The following FGL1 variants were observed in gnomAD, a reference collection of about 807,000 sequenced individuals.
FGL1 encodes fibrinogen-like protein 1.
In FGL1, 59 loss-of-function variants were observed where a neutral mutation model predicts 43.7. That is an observed-to-expected ratio of 1.35 (90% CI 1.10 to 1.68). FGL1 has a LOEUF of 1.68. Ranked by LOEUF, FGL1 falls within the 40% of genes most tolerant of loss-of-function variation. The pLI is 0.00. For synonymous variants in FGL1, 192 were observed against 126.5 expected (o/e 1.52, Z -3.48); for missense variants, 596 against 373.0 (o/e 1.60, Z -4.92).
intron 3 of FGL1, among the ~76,000 whole-genome samples, chr8:17,879,478 G>A (rs2053503077): frequency 6.6e-6 from 1 of 152,088 alleles, no homozygotes; most frequent in South Asian, 2.1e-4. Flanking sequence ...ATTGGCTCAT[G>A]GGGGTGGAGT....
At chr8:17,874,609 TC>T in intron 3 of FGL1, 88 bp from the exon 4 acceptor site, 2 of 974,422 alleles carry the variant, frequency 2.1e-6, no homozygotes, top group Non-Finnish European at 1.5e-6. Flanking sequence ...CTACTCAGTA[TC>T]ACTGGAGACA....
At chr8:17,882,847 A>C (rs1245933488) in intron 2 of FGL1, among the ~76,000 whole-genome samples, 1 of 117,294 alleles carries the variant, frequency 8.5e-6, no homozygotes, top group Non-Finnish European at 1.6e-5. Flanking sequence ...AATAATATAT[A>C]ATATATATCA....
At position 17,881,349 on chromosome 8, in the gene FGL1, C is replaced by T. The variant is rs1474073075; in HGVS notation, c.244+650G>A. 2.0e-5 allele frequency among the ~76,000 whole-genome samples: 3 copies of T among 151,756 alleles called. No homozygotes were observed. The East Asian group carries it at 6.0e-4, about 30-fold the overall frequency. ...ATGGGGTTTCACCATATTGGCCAGG[C>T]TGGTCTAGATCTCCTGACCTTGTAA... On this transcript the variant is annotated intron_variant, in intron 3 of 7. Transcript: ENST00000427924.
At chr8:17,892,799 C>G (rs1037915622) in intron 1 of FGL1, among the ~76,000 whole-genome samples, 1 of 152,106 alleles carries the variant, frequency 6.6e-6, no homozygotes, top group African/African-American at 2.4e-5. Flanking sequence ...ATCTTCTAGA[C>G]TTTGCTTTAA....
At chr8:17,880,437 C>G (rs552643297) in intron 3 of FGL1, among the ~76,000 whole-genome samples, 1 of 152,166 alleles carries the variant, frequency 6.6e-6, no homozygotes, top group African/African-American at 2.4e-5. Flanking sequence ...TGTTTCTATT[C>G]CCATAAGATT....
At chr8:17,874,160 G>C (rs538079958) in intron 4 of FGL1, 44 bp from the exon 5 acceptor site, 2 of 1,533,338 alleles carry the variant, frequency 1.3e-6, no homozygotes, top group African/African-American at 2.7e-5. Flanking sequence ...AACTCCATTT[G>C]TGGTACCAAA....
At chr8:17,885,826 G>T in intron 1 of FGL1, 1 of 421,780 alleles carries the variant, frequency 2.4e-6, no homozygotes, top group Non-Finnish European at 4.2e-6. Flanking sequence ...CTAATGTGCT[G>T]TTTGTGTTAT....
chr8:17,871,738 C>G (rs2053365072), intron 5 of FGL1, among the ~76,000 whole-genome samples: 1 of 152,104 alleles, frequency 6.6e-6, no homozygotes, highest in East Asian at 1.9e-4. Flanking sequence ...GACAAAAACA[C>G]TGGCTATTGT....
At chr8:17,883,694 T>C (rs1235142136) in intron 2 of FGL1, among the ~76,000 whole-genome samples, 1 of 144,876 alleles carries the variant, frequency 6.9e-6, no homozygotes, top group Non-Finnish European at 1.5e-5. Flanking sequence ...ATATATTTTT[T>C]ATATATATAT....
rs1186824889 is a variant in FGL1 at position 17,874,400 on chromosome 8, T to C, written c.366A>G (p.Val122=). 2 of 1,614,132 alleles carry C rather than the reference T, an allele frequency of 1.2e-6. No homozygotes were observed. The highest frequency in any genetic ancestry group is 8.5e-7 in the Non-Finnish European group (1 of 1,179,992). The change falls in exon 4 of 8, where the codon GTA becomes GTG. Residue 122 remains valine (V), a synonymous_variant. Coordinates refer to ENST00000427924, the MANE Select transcript of FGL1 (RefSeq NM_004467.4). ...CACTGCCATCAGATCGTCTCTGAAT[T>C]ACAGTCCATCCTCCTCCATCGGACA... The part of the protein sequence containing the change: ...CDMSDGGGWT[V]IQRRSDGSEN...
At chr8:17,878,255 A>G (rs2053486332) in intron 3 of FGL1, among the ~76,000 whole-genome samples, 1 of 152,198 alleles carries the variant, frequency 6.6e-6, no homozygotes, top group South Asian at 2.1e-4. Context: ...CCTGGCCAAA[A>G]TATTTTCACT....
intron 2 of FGL1, among the ~76,000 whole-genome samples, chr8:17,884,390 T>G (rs1159572092): frequency 6.6e-6 from 1 of 152,124 alleles, no homozygotes; most frequent in Non-Finnish European, 1.5e-5. Flanking sequence ...AGATGGGGTT[T>G]TGCCATGTTG....
At chr8:17,879,773 G>A (rs918469657) in intron 3 of FGL1, among the ~76,000 whole-genome samples, 2 of 151,992 alleles carry the variant, frequency 1.3e-5, no homozygotes, top group Admixed American at 6.6e-5. Context: ...TCGTTATAGC[G>A]GTATGAGAAC....
rs1322741455 is a variant in FGL1, at chr8:17,895,519, T to C, written c.-90A>G. 7.8e-7 allele frequency: 1 copy of C among 1,287,384 alleles called. No individual in the cohort carries two copies. The highest frequency in any genetic ancestry group is 1.2e-5 in the South Asian group (1 of 80,748). 79.7% of individuals were successfully genotyped at this position (1,287,384 alleles called of 1,614,324 possible). On this transcript the variant is annotated 5_prime_UTR_variant, in exon 1 of 8. Coordinates refer to ENST00000427924, the MANE Select transcript of FGL1 (RefSeq NM_004467.4). ...ACTCTGCTTCCCAGGATCCTGTAAC[T>C]GCATTGGGAATTTGTAATTATTTCT...
chr8:17,877,586 G>A (rs912551167), intron 3 of FGL1, among the ~76,000 whole-genome samples: 5 of 148,658 alleles, frequency 3.4e-5, no homozygotes, highest in East Asian at 4.0e-4. Flanking sequence ...CCCTGCTACC[G>A]CCATCTTCAC....
At chr8:17,883,220 A>C (rs1326040550) in intron 2 of FGL1, among the ~76,000 whole-genome samples, 2 of 50,970 alleles carry the variant, frequency 3.9e-5, no homozygotes, top group African/African-American at 7.1e-5. Flanking sequence ...TATAATATAT[A>C]TCATATATAA....
At chr8:17,887,239 T>A (rs962107530) in intron 1 of FGL1, among the ~76,000 whole-genome samples, 1 of 152,130 alleles carries the variant, frequency 6.6e-6, no homozygotes, top group East Asian at 1.9e-4. Context: ...ACCGAAAAGA[T>A]CTTCAGAGAC....
At position 17,868,290 on chromosome 8, in the gene FGL1, C is replaced by T. The variant is rs951793250; in HGVS notation, c.779+258G>A. ...TGAATTTGTGGCCTTCTATTTATAA[C>T]TCATCCATAATTCAGTTTGCAAATG... On this transcript the variant is annotated intron_variant, in intron 7 of 7. Coordinates refer to ENST00000427924, the MANE Select transcript of FGL1 (RefSeq NM_004467.4). The T allele has an allele frequency of 1.9e-5, 5 of 263,226 alleles. No individual in the cohort carries two copies. In the East Asian group the frequency reaches 3.6e-4, roughly 19 times the overall value. 16.3% of individuals were successfully genotyped at this position (263,226 alleles called of 1,614,324 possible).
intron 2 of FGL1, among the ~76,000 whole-genome samples, chr8:17,882,851 T>C (rs1279878771): frequency 1.0e-4 from 12 of 118,820 alleles, no homozygotes; most frequent in African/African-American, 4.0e-4. Context: ...ATATATAATA[T>C]ATATCATATA....
Sources: gnomAD v4.1 joint callset for allele counts (sites outside exome capture counted in the v4.1 genomes callset) on GRCh38, gnomAD v4.1.1 for gene constraint, MANE v1.5 for transcripts, NCBI Gene and HGNC (gene_info 2026-07-23, HGNC 2026-07-21) for gene names.